The following HECW1 variants were observed in gnomAD, a reference collection of about 807,000 sequenced individuals.
HECW1 encodes the protein HECT, C2 and WW domain containing E3 ubiquitin protein ligase 1, also known as E3 ubiquitin-protein ligase HECW1.
HECW1 carries 61 observed loss-of-function variants against 182.3 expected under a neutral mutation model. That is an observed-to-expected ratio of 0.33 (90% CI 0.27 to 0.41). HECW1 has a LOEUF of 0.41. Ranked by LOEUF, HECW1 falls within the 10% of genes least tolerant of loss-of-function variation. The pLI, the probability that HECW1 is intolerant of heterozygous loss-of-function variation, is 1.00. For synonymous variants in HECW1, 859 were observed against 832.6 expected (o/e 1.03, Z -0.55); for missense variants, 1,739 against 2,108.9 (o/e 0.82, Z 3.44).
intron 2 of HECW1, among the ~76,000 whole-genome samples, chr7:43,175,147 T>C (rs540250677): frequency 1.6e-4 from 24 of 152,204 alleles, no homozygotes; most frequent in African/African-American, 5.3e-4. Context: ...TTCATGTTTT[T>C]TTTTTGATGT....
chr7:43,513,420 C>A (rs1452521346), intron 24 of HECW1, among the ~76,000 whole-genome samples: 3 of 152,174 alleles, frequency 2.0e-5, no homozygotes, highest in African/African-American at 7.2e-5. Context: ...ATGGAGAAAC[C>A]CCTGACAGTG....
intron 6 of HECW1, among the ~76,000 whole-genome samples, chr7:43,364,953 A>G (rs1161167419): frequency 6.6e-6 from 1 of 152,232 alleles, no homozygotes; most frequent in Admixed American, 6.5e-5. Context: ...ATTATACATC[A>G]AAAAACAGAA....
intron 21 of HECW1, among the ~76,000 whole-genome samples, chr7:43,506,462 C>A (rs1255718245): frequency 6.6e-6 from 1 of 152,108 alleles, no homozygotes; most frequent in Non-Finnish European, 1.5e-5. Flanking sequence ...CTCATTAGAA[C>A]TCATAAATGA....
At chr7:43,146,284 G>A (rs536188743) in intron 2 of HECW1, among the ~76,000 whole-genome samples, 2 of 152,120 alleles carry the variant, frequency 1.3e-5, no homozygotes, top group East Asian at 3.9e-4. Context: ...AGGATATTTG[G>A]CAGCATCTCT....
intron 3 of HECW1, among the ~76,000 whole-genome samples, chr7:43,255,144 C>A (rs1406349531): frequency 3.9e-5 from 6 of 152,084 alleles, no homozygotes; most frequent in Non-Finnish European, 7.4e-5. Flanking sequence ...ACAAGTGTGC[C>A]CAATGTGATC....
chr7:43,319,393 C>CAAAAAAAAAAAA lies in HECW1; in HGVS notation c.353-1237_353-1226dup, dbSNP rs529109893. On this transcript the variant is annotated intron_variant, in intron 4 of 29. Coordinates refer to ENST00000395891, the MANE Select transcript of HECW1 (RefSeq NM_015052.5). ...TGGGCGACAGAGCGAGACTCCGTCT[C>CAAAAAAAAAAAA]AAAAAAAAAAAAAAAAGAGAGAACA... Among the ~76,000 whole-genome samples, 405 of 67,590 alleles carry CAAAAAAAAAAAA rather than the reference C, an allele frequency of 6.0e-3. 15 individuals are homozygous for CAAAAAAAAAAAA. The highest frequency in any genetic ancestry group is 0.014 in the African/African-American group (337 of 24,348). The allele number at this position is 67,590 out of a possible 152,430, so 44.3% of individuals were successfully genotyped here. A position where few individuals can be genotyped will look rare whatever the true frequency, so the allele number is the denominator to read the frequency against.
intron 6 of HECW1, among the ~76,000 whole-genome samples, chr7:43,365,057 G>A (rs921482763): frequency 3.9e-5 from 6 of 152,214 alleles, no homozygotes; most frequent in Admixed American, 3.3e-4. Context: ...CTGCCCTGCT[G>A]GGTCTAGACC....
At chr7:43,319,004 G>A (rs1272283404) in intron 4 of HECW1, among the ~76,000 whole-genome samples, 1 of 152,186 alleles carries the variant, frequency 6.6e-6, no homozygotes, top group Non-Finnish European at 1.5e-5. Context: ...GAAAGTGTGG[G>A]GTCTGGAACC....
At chr7:43,324,876 T>G (rs1338153903) in intron 5 of HECW1, among the ~76,000 whole-genome samples, 7 of 152,206 alleles carry the variant, frequency 4.6e-5, no homozygotes, top group African/African-American at 1.4e-4. Flanking sequence ...TTGTTATTTC[T>G]TTTTATGAGA....
intron 2 of HECW1, among the ~76,000 whole-genome samples, chr7:43,138,753 G>A (rs752127084): frequency 3.3e-5 from 5 of 152,148 alleles, no homozygotes; most frequent in African/African-American, 4.8e-5. Flanking sequence ...ATTCCAAAGC[G>A]CTTTCCATAA....
At chr7:43,411,352 A>G (rs1156713902) in intron 8 of HECW1, among the ~76,000 whole-genome samples, 2 of 152,144 alleles carry the variant, frequency 1.3e-5, no homozygotes, top group African/African-American at 4.8e-5. Context: ...CATACTCTAT[A>G]TGATTGCAAT....
At chr7:43,310,799 C>T (rs148431570) in intron 3 of HECW1, among the ~76,000 whole-genome samples, 226 of 152,326 alleles carry the variant, frequency 1.5e-3, no homozygotes, top group African/African-American at 5.2e-3. Context: ...ATCTAAACTT[C>T]ATGAGTCAAC....
At chr7:43,277,621 C>T (rs1345481006) in intron 3 of HECW1, among the ~76,000 whole-genome samples, 1 of 152,192 alleles carries the variant, frequency 6.6e-6, no homozygotes, top group Non-Finnish European at 1.5e-5. Flanking sequence ...TAGACCATTT[C>T]CGTAGGCATC....
At chr7:43,328,062 A>G (rs1811022566) in intron 5 of HECW1, among the ~76,000 whole-genome samples, 2 of 151,552 alleles carry the variant, frequency 1.3e-5, no homozygotes, top group Admixed American at 1.3e-4. Context: ...TCACACCTAT[A>G]ATCGTAGCAT....
chr7:43,114,457 C>A, intron 2 of HECW1, 66 bp downstream of exon 2: 1 of 1,258,662 alleles, frequency 7.9e-7, no homozygotes, highest in Non-Finnish European at 1.0e-6. Flanking sequence ...GGATTAGAGT[C>A]CACATGCCCA....
chr7:43,435,814 A>G (rs923593294), intron 8 of HECW1, among the ~76,000 whole-genome samples: 2 of 152,178 alleles, frequency 1.3e-5, no homozygotes, highest in Admixed American at 1.3e-4. Flanking sequence ...CAAAGAAGAT[A>G]CTCACATTAG....
intron 5 of HECW1, among the ~76,000 whole-genome samples, chr7:43,325,389 T>C (rs757901764): frequency 1.5e-4 from 23 of 152,218 alleles, no homozygotes; most frequent in Non-Finnish European, 3.4e-4. Flanking sequence ...CCTTGTTCAT[T>C]GTGTATTTTG....
At chr7:43,493,662 A>G (rs1440303431) in intron 19 of HECW1, among the ~76,000 whole-genome samples, 1 of 152,212 alleles carries the variant, frequency 6.6e-6, no homozygotes, top group Admixed American at 6.5e-5. Context: ...ACTCTGAATC[A>G]CATGTGGAAG....
chr7:43,239,092 A>G (rs1447935201), intron 2 of HECW1: 1 of 152,234 alleles, frequency 6.6e-6, no homozygotes, highest in African/African-American at 2.4e-5. Context: ...AGTTTAAAAC[A>G]GAACTTCCAA....
Sources: allele counts gnomAD v4.1 joint callset (sites outside exome capture counted in the v4.1 genomes callset), GRCh38; gene constraint gnomAD v4.1.1; transcripts MANE v1.5; gene names NCBI Gene and HGNC (gene_info 2026-07-23, HGNC 2026-07-21).